The following SLC2A13 variants were observed in gnomAD, a reference collection of about 807,000 sequenced individuals.
SLC2A13 encodes the protein proton myo-inositol cotransporter.
SLC2A13 carries 32 observed loss-of-function variants against 64.4 expected under a neutral mutation model. That is an observed-to-expected ratio of 0.50 (90% CI 0.37 to 0.67). The LOEUF (loss-of-function observed/expected upper bound fraction) is 0.67, where lower values mean the gene tolerates loss of function less well. Ranked by LOEUF, SLC2A13 falls within the 30% of genes least tolerant of loss-of-function variation. SLC2A13 has a pLI of 0.00. For synonymous variants in SLC2A13, 338 were observed against 327.1 expected (o/e 1.03, Z -0.36); for missense variants, 743 against 829.2 (o/e 0.90, Z 1.28).
Position 39,910,626 on chromosome 12 carries a change from G to T in SLC2A13, c.1035-38665C>A, listed in dbSNP as rs1327757058. 4.6e-5 allele frequency among the ~76,000 whole-genome samples: 7 copies of T among 152,202 alleles called. No homozygotes were observed. The East Asian group carries it at 1.2e-3, about 25-fold the overall frequency. On this transcript the variant is annotated intron_variant, in intron 4 of 9. Coordinates refer to ENST00000280871, the MANE Select transcript of SLC2A13 (RefSeq NM_052885.4). Reference sequence around the variant, plus strand: ...TGGGAACCCACAGAAAAAGTGGACAGCTGCAGGACTCAGGTTCTAATTTCA... The same window carrying T: ...TGGGAACCCACAGAAAAAGTGGACATCTGCAGGACTCAGGTTCTAATTTCA...
At chr12:40,034,853 G>A (rs1393767385) in intron 2 of SLC2A13, among the ~76,000 whole-genome samples, 3 of 152,140 alleles carry the variant, frequency 2.0e-5, no homozygotes, top group African/African-American at 7.2e-5. Context: ...GCTAAGCCTT[G>A]TGATTTCTCT....
chr12:39,997,351 G>A (rs1475754243), intron 3 of SLC2A13, among the ~76,000 whole-genome samples: 1 of 152,108 alleles, frequency 6.6e-6, no homozygotes, highest in African/African-American at 2.4e-5. Flanking sequence ...GAATGAAACT[G>A]GATCCTCATC....
chr12:39,820,398 G>T (rs1282160159), intron 7 of SLC2A13, among the ~76,000 whole-genome samples: 1 of 152,122 alleles, frequency 6.6e-6, no homozygotes, highest in Admixed American at 6.5e-5. Flanking sequence ...ATTGGCATTG[G>T]TTCATGAATG....
At chr12:40,012,095 A>G (rs1189956462) in intron 3 of SLC2A13, among the ~76,000 whole-genome samples, 1 of 152,186 alleles carries the variant, frequency 6.6e-6, no homozygotes, top group Non-Finnish European at 1.5e-5. Context: ...CCTAATTTTT[A>G]CTACAGTTTT....
In SLC2A13 at chr12:39,757,122, A is replaced by G. The variant is rs1307295835; in HGVS notation, c.*2904T>C. ...ATCACATTCAGCCCTATGTGTTTAT[A>G]TGCAGATGAAATGATATATCCTCTT... On this transcript the variant is annotated 3_prime_UTR_variant, in exon 10 of 10. Coordinates refer to ENST00000280871, the MANE Select transcript of SLC2A13 (RefSeq NM_052885.4). The G allele has an allele frequency of 6.6e-6, 1 of 151,836 alleles. No individual in the cohort carries two copies. The highest frequency in any genetic ancestry group is 2.4e-5 in the African/African-American group (1 of 41,396). The allele number at this position is 151,836 out of a possible 1,614,324, so 9.4% of individuals were successfully genotyped here.
At chr12:39,771,762 G>A (rs1940587478) in intron 7 of SLC2A13, among the ~76,000 whole-genome samples, 1 of 152,060 alleles carries the variant, frequency 6.6e-6, no homozygotes, top group Admixed American at 6.6e-5. Flanking sequence ...CCACCTCACT[G>A]CTCAAAAACC....
chr12:39,805,615 G>A (rs1006891893), intron 7 of SLC2A13, among the ~76,000 whole-genome samples: 4 of 151,968 alleles, frequency 2.6e-5, no homozygotes, highest in African/African-American at 9.7e-5. Context: ...TTTTTTAAAA[G>A]GTTTGGAGAA....
chr12:40,015,515 G>A (rs773580978), intron 3 of SLC2A13, among the ~76,000 whole-genome samples: 19 of 152,152 alleles, frequency 1.2e-4, no homozygotes, highest in Non-Finnish European at 7.3e-5. Context: ...GCAAATGTAT[G>A]TCTGGGTTTC....
chr12:39,986,017 T>C (rs1042085308), intron 3 of SLC2A13, among the ~76,000 whole-genome samples: 9 of 152,150 alleles, frequency 5.9e-5, no homozygotes, highest in Admixed American at 1.3e-4. Flanking sequence ...TGAGGGCCTG[T>C]GTCTTGGTTC....
intron 4 of SLC2A13, among the ~76,000 whole-genome samples, chr12:39,931,507 G>T (rs925976793): frequency 6.6e-6 from 1 of 152,160 alleles, no homozygotes; most frequent in African/African-American, 2.4e-5. Flanking sequence ...CTCTCATCTG[G>T]AGCTGATGCT....
intron 1 of SLC2A13, among the ~76,000 whole-genome samples, chr12:40,066,422 A>G (rs1484026504): frequency 6.6e-6 from 1 of 152,120 alleles, no homozygotes; most frequent in East Asian, 1.9e-4. Flanking sequence ...GCGATAAAGC[A>G]TTAAAGACTA....
At chr12:39,904,773 TG>T (rs1260058031) in intron 4 of SLC2A13, among the ~76,000 whole-genome samples, 1 of 152,144 alleles carries the variant, frequency 6.6e-6, no homozygotes, top group Non-Finnish European at 1.5e-5. Context: ...TTTTAATATC[TG>T]GACTTCTAAG....
chr12:40,016,713 G>C (rs922155837), intron 3 of SLC2A13, among the ~76,000 whole-genome samples: 1 of 152,100 alleles, frequency 6.6e-6, no homozygotes, highest in Non-Finnish European at 1.5e-5. Flanking sequence ...TAATTAGTAA[G>C]GGGTATTTCC....
At chr12:40,048,730 T>A (rs1948206742) in intron 1 of SLC2A13, among the ~76,000 whole-genome samples, 1 of 152,198 alleles carries the variant, frequency 6.6e-6, no homozygotes, top group Non-Finnish European at 1.5e-5. Context: ...TGGCTAGGTA[T>A]ACATTTCAGA....
chr12:39,989,862 T>A (rs1374113888), intron 3 of SLC2A13, among the ~76,000 whole-genome samples: 2 of 152,214 alleles, frequency 1.3e-5, no homozygotes, highest in African/African-American at 4.8e-5. Flanking sequence ...TGTCAGGAAA[T>A]TTTACAGATG....
chr12:39,866,444 C>T (rs927621967), intron 5 of SLC2A13, among the ~76,000 whole-genome samples: 6 of 152,056 alleles, frequency 3.9e-5, no homozygotes, highest in Admixed American at 3.9e-4. Flanking sequence ...ACTCACCTTA[C>T]GGGCTTACAG....
chr12:39,782,326 C>G (rs966152832), intron 7 of SLC2A13, among the ~76,000 whole-genome samples: 9 of 151,998 alleles, frequency 5.9e-5, no homozygotes, highest in Middle Eastern at 3.2e-3. Flanking sequence ...CCAGGGGGAG[C>G]TAATTGAATC....
At chr12:39,787,136 G>A (rs1941219062) in intron 7 of SLC2A13, among the ~76,000 whole-genome samples, 1 of 152,040 alleles carries the variant, frequency 6.6e-6, no homozygotes, top group South Asian at 2.1e-4. Context: ...GATGGATTTC[G>A]GTATATGGCT....
intron 3 of SLC2A13, among the ~76,000 whole-genome samples, chr12:40,003,399 A>G (rs925717126): frequency 6.6e-6 from 1 of 152,192 alleles, no homozygotes; most frequent in African/African-American, 2.4e-5. Context: ...GAGAGACAAA[A>G]ACAACACTTA....
Sources: allele counts gnomAD v4.1 joint callset (sites outside exome capture counted in the v4.1 genomes callset), GRCh38; gene constraint gnomAD v4.1.1; transcripts MANE v1.5; gene names NCBI Gene and HGNC (gene_info 2026-07-23, HGNC 2026-07-21).